CHCHD6: variants seen among roughly 807,000 people sequenced by gnomAD.
CHCHD6 encodes the protein coiled-coil-helix-coiled-coil-helix domain containing 6.
A neutral mutation model predicts 32.3 loss-of-function variants in CHCHD6; 28 were observed. The ratio of observed to expected loss-of-function variants is 0.87; its 90% CI spans 0.64 to 1.19. The LOEUF (loss-of-function observed/expected upper bound fraction) is 1.19. Among genes scored for constraint, CHCHD6 ranks in the 50% most tolerant of loss-of-function variants. The probability of loss-of-function intolerance (pLI) is 0.00; values close to 1 mark genes in which losing one functional copy is unlikely to be tolerated. For synonymous variants in CHCHD6, 122 were observed against 117.5 expected, an observed-to-expected ratio of 1.04 and a Z score of -0.25; for missense variants, 333 against 307.0, an observed-to-expected ratio of 1.08 and a Z score of -0.63.
intron 4 of CHCHD6, among the ~76,000 whole-genome samples, chr3:126,833,036 G>A (rs1940704496): frequency 6.6e-6 from 1 of 152,190 alleles, no homozygotes; most frequent in African/African-American, 2.4e-5. Context: ...GAAGGAATGA[G>A]GCACATAGTG....
At chr3:126,925,405 C>T (rs764478723) in intron 6 of CHCHD6, among the ~76,000 whole-genome samples, 2 of 152,212 alleles carry the variant, frequency 1.3e-5, no homozygotes, top group Non-Finnish European at 2.9e-5. Context: ...GCTGTGAAAA[C>T]TTAAGTTAGA....
Position 126,733,069 on chromosome 3 carries a change from T to G in CHCHD6, c.267-9T>G, listed in dbSNP as rs1223850432. ...CACATCTGTTTCTCCTCATGTTTCTTCTGCACAGGTATGAACAGGAGCATG... is the reference window on the plus strand; with the variant it reads ...CACATCTGTTTCTCCTCATGTTTCTGCTGCACAGGTATGAACAGGAGCATG... On this transcript the variant is annotated splice_polypyrimidine_tract_variant and intron_variant, in intron 3 of 7. Transcript: ENST00000290913. 1 of 1,614,012 alleles carries G rather than the reference T, an allele frequency of 6.2e-7. No individual in the cohort carries two copies. Among genetic ancestry groups the G allele is most frequent in the East Asian group, 2.2e-5 (1 of 44,892 alleles).
chr3:126,857,475 C>G (rs115853217), intron 5 of CHCHD6, among the ~76,000 whole-genome samples: 2,738 of 152,252 alleles, frequency 0.018, 31 homozygotes, highest in Middle Eastern at 0.051. Context: ...CCATTGTACT[C>G]CCTGCTGCCG....
At position 126,870,259 on chromosome 3, in the gene CHCHD6, T is replaced by C. The variant is rs2077446768; in HGVS notation, c.495+17529T>C. Among the ~76,000 whole-genome samples the C allele has an allele frequency of 2.0e-5, 3 of 152,338 alleles. No individual in the cohort carries two copies. In the South Asian group the frequency reaches 6.2e-4, roughly 32 times the overall value. On this transcript the variant is annotated intron_variant, in intron 5 of 7. Coordinates refer to ENST00000290913, the MANE Select transcript of CHCHD6 (RefSeq NM_032343.3). ...GGTTCCTCTCATTAGTGGTCACTCA[T>C]ACCTGTTCTTTATGTTGGATTAAAC...
At chr3:126,878,751 G>A (rs567718692) in intron 5 of CHCHD6, among the ~76,000 whole-genome samples, 135 of 152,356 alleles carry the variant, frequency 8.9e-4, no homozygotes, top group African/African-American at 3.0e-3. Context: ...CACAGGTCTT[G>A]TAGCATCACC....
intron 4 of CHCHD6, chr3:126,767,016 A>C (rs1937398376): frequency 5.7e-6 from 5 of 875,084 alleles, no homozygotes; most frequent in Non-Finnish European, 1.9e-6. Context: ...CATTTGGTAC[A>C]GGCAGGATCT....
intron 4 of CHCHD6, among the ~76,000 whole-genome samples, chr3:126,822,848 C>CAGA (rs1940210128): frequency 6.6e-6 from 1 of 151,970 alleles, no homozygotes; most frequent in Non-Finnish European, 1.5e-5. Flanking sequence ...GTTAGTAACA[C>CAGA]TCTTTATTAA....
chr3:126,710,422 C>G (rs537829739), intron 1 of CHCHD6, among the ~76,000 whole-genome samples: 7 of 152,058 alleles, frequency 4.6e-5, no homozygotes, highest in Admixed American at 4.6e-4. Flanking sequence ...GTTCTGGGTC[C>G]TTTGCATTTC....
chr3:126,868,892 A>G (rs1490416258), intron 5 of CHCHD6, among the ~76,000 whole-genome samples: 1 of 152,224 alleles, frequency 6.6e-6, no homozygotes, highest in Non-Finnish European at 1.5e-5. Flanking sequence ...CCTGCACATC[A>G]TAAGGCTTTT....
intron 2 of CHCHD6, among the ~76,000 whole-genome samples, chr3:126,730,231 C>G (rs1019548046): frequency 6.6e-6 from 1 of 152,194 alleles, no homozygotes; most frequent in African/African-American, 2.4e-5. Flanking sequence ...GCAGCCACTC[C>G]TGGCCTGTGC....
At position 126,780,167 on chromosome 3, in the gene CHCHD6, C is replaced by T. The variant is rs527312772; in HGVS notation, c.411+46945C>T. The stretch of plus-strand genomic sequence containing the variant: ...ATCCCTTTTAATGGAGAGCTCCTAT[C>T]AGGCACGTAAGCTTGGGTCTAGCCA... On this transcript the variant is annotated intron_variant, in intron 4 of 7. Transcript: ENST00000290913. 3.3e-4 allele frequency among the ~76,000 whole-genome samples: 51 copies of T among 152,346 alleles called. 1 individual carries two copies. The South Asian group carries it at 0.01, about 30-fold the overall frequency.
At chr3:126,918,407 C>A (rs1341999011) in intron 6 of CHCHD6, among the ~76,000 whole-genome samples, 1 of 152,186 alleles carries the variant, frequency 6.6e-6, no homozygotes, top group Non-Finnish European at 1.5e-5. Flanking sequence ...ATGCTAGGCC[C>A]TGGGGACACA....
intron 1 of CHCHD6, among the ~76,000 whole-genome samples, chr3:126,720,333 C>T (rs374523086): frequency 5.9e-5 from 9 of 152,220 alleles, no homozygotes; most frequent in African/African-American, 2.2e-4. Context: ...TCCCAGGACC[C>T]CTGAGGTTCA....
chr3:126,882,761 T>C (rs947589343), intron 5 of CHCHD6, among the ~76,000 whole-genome samples: 2 of 152,244 alleles, frequency 1.3e-5, no homozygotes, highest in Admixed American at 6.5e-5. Context: ...AGAGGGCTCC[T>C]TGATTTGAGG....
At chr3:126,941,327 A>C (rs1253875292) in intron 6 of CHCHD6, among the ~76,000 whole-genome samples, 1 of 152,138 alleles carries the variant, frequency 6.6e-6, no homozygotes, top group Non-Finnish European at 1.5e-5. Flanking sequence ...CTTCTTACAC[A>C]CTTGAGTCTA....
Position 126,929,421 on chromosome 3 carries a change from G to A in CHCHD6, c.566+14671G>A, listed in dbSNP as rs530299128. 7.2e-5 allele frequency among the ~76,000 whole-genome samples: 11 copies of A among 152,260 alleles called. No individual in the cohort carries two copies. In the East Asian group the frequency reaches 1.2e-3, roughly 16 times the overall value. ...TTCATATAAAGCTTCCTGTGAACTC[G>A]CCTCCATGCATGGCTACTAAGTGCC... On this transcript the variant is annotated intron_variant, in intron 6 of 7. Coordinates refer to ENST00000290913, the MANE Select transcript of CHCHD6 (RefSeq NM_032343.3).
intron 4 of CHCHD6, chr3:126,766,665 C>T: frequency 9.5e-7 from 1 of 1,051,106 alleles, no homozygotes; most frequent in South Asian, 1.3e-5. Context: ...TCTCGGTGGC[C>T]ACAATGATGC....
At chr3:126,835,303 G>T (rs764872190) in intron 4 of CHCHD6, among the ~76,000 whole-genome samples, 1 of 151,894 alleles carries the variant, frequency 6.6e-6, no homozygotes, top group Non-Finnish European at 1.5e-5. Flanking sequence ...TAGGTGTGGG[G>T]CACCTGCCTG....
rs1338937167 is a variant in CHCHD6 at position 126,704,290 on chromosome 3, T to C, written c.-23T>C. 8 of 1,595,138 alleles carry C rather than the reference T, an allele frequency of 5.0e-6. No homozygotes were observed. The highest frequency in any genetic ancestry group is 2.3e-4 in the Middle Eastern group (1 of 4,420). On this transcript the variant is annotated 5_prime_UTR_variant, in exon 1 of 8. Transcript: ENST00000290913. ...GGAGCCGGGTCTCGGGTCTGGTGGC[T>C]GCCGGCCCTGCGGCATCTCGCCATG...
Sources: gnomAD v4.1 joint callset for allele counts (sites outside exome capture counted in the v4.1 genomes callset) on GRCh38, gnomAD v4.1.1 for gene constraint, MANE v1.5 for transcripts, NCBI Gene and HGNC (gene_info 2026-07-23, HGNC 2026-07-21) for gene names.